Variants in CARD8 observed in about 807,000 individuals in gnomAD.
CARD8 encodes caspase recruitment domain family member 8, also known as caspase recruitment domain-containing protein 8.
CARD8 carries 38 observed loss-of-function variants against 53.2 expected under a neutral mutation model. The ratio of observed to expected loss-of-function variants is 0.71; its 90% CI spans 0.55 to 0.94. The LOEUF is 0.94. CARD8 is among the 40% of genes least tolerant of loss of function. The pLI is 0.00. For missense variants in CARD8, 561 were observed against 655.5 expected, an observed-to-expected ratio of 0.86 and a Z score of 1.57; for synonymous variants, 245 against 244.9, an observed-to-expected ratio of 1.00 and a Z score of 0.00.
chr19:48,228,828 G>A (rs1188608857), intron 10 of CARD8, among the ~76,000 whole-genome samples: 1 of 152,160 alleles, frequency 6.6e-6, no homozygotes, highest in African/African-American at 2.4e-5. Flanking sequence ...CTCATGTTAA[G>A]TAGTGTCCTT....
intron 1 of CARD8, among the ~76,000 whole-genome samples, chr19:48,254,054 G>A (rs1395026013): frequency 6.6e-6 from 1 of 152,104 alleles, no homozygotes; most frequent in Non-Finnish European, 1.5e-5. Context: ...TCAACAAAGT[G>A]GAAGAGTTTA....
chr19:48,218,755 AG>A, intron 12 of CARD8, 115 bp downstream of exon 12: 1 of 1,150,506 alleles, frequency 8.7e-7, no homozygotes, highest in Admixed American at 2.1e-5. Flanking sequence ...CACTGACAAT[AG>A]ATTTCTTTTC....
At chr19:48,220,900 G>A (rs1331412298) in intron 11 of CARD8, among the ~76,000 whole-genome samples, 1 of 148,882 alleles carries the variant, frequency 6.7e-6, no homozygotes, top group Non-Finnish European at 1.5e-5. Context: ...AACAGAGCGA[G>A]ACTCCATCAA....
chr19:48,250,138 A>G (rs1358531844), intron 1 of CARD8, among the ~76,000 whole-genome samples: 1 of 152,260 alleles, frequency 6.6e-6, no homozygotes, highest in Non-Finnish European at 1.5e-5. Flanking sequence ...TAACAAACAT[A>G]TGAAAGCTTC....
chr19:48,244,850 G>C (rs560794681), intron 3 of CARD8, among the ~76,000 whole-genome samples: 2 of 152,042 alleles, frequency 1.3e-5, no homozygotes, highest in Admixed American at 1.3e-4. Flanking sequence ...AAAGGAAAAT[G>C]ATGGACCCAA....
chr19:48,218,704 C>CT (rs2039883266), intron 12 of CARD8, among the ~76,000 whole-genome samples, 167 bp downstream of exon 12: 1 of 151,984 alleles, frequency 6.6e-6, no homozygotes, highest in South Asian at 2.1e-4. Flanking sequence ...CCAAAAGGCC[C>CT]CAGTGTGTGT....
At position 48,231,813 on chromosome 19, in the gene CARD8, GA is replaced by G; in HGVS notation, c.392-4del. 6.2e-7 allele frequency: 1 copy of G among 1,613,502 alleles called. No individual in the cohort carries two copies. Among genetic ancestry groups the G allele is most frequent in the Non-Finnish European group, 8.5e-7 (1 of 1,179,662 alleles). On this transcript the variant is annotated splice_region_variant and splice_polypyrimidine_tract_variant and intron_variant, in intron 7 of 13. Coordinates refer to ENST00000651546, the MANE Select transcript of CARD8 (RefSeq NM_001184900.3). ...ATTCTCTTCTGAGCAAATGTCTCCT[GA>G]AAAGAAAATACTAGACATGTAAGAG...
At chr19:48,235,285 T>C (rs781720348) in intron 5 of CARD8, among the ~76,000 whole-genome samples, 2 of 152,158 alleles carry the variant, frequency 1.3e-5, no homozygotes, top group Non-Finnish European at 2.9e-5. Flanking sequence ...TATGCCAAGA[T>C]ATTCAATGGC....
chr19:48,214,093 C>T (rs1239443192), intron 13 of CARD8, among the ~76,000 whole-genome samples: 1 of 152,214 alleles, frequency 6.6e-6, no homozygotes, highest in Admixed American at 6.5e-5. Context: ...TTTGTGTCTA[C>T]ATGATGTCCT....
downstream of CARD8, among the ~76,000 whole-genome samples, chr19:48,207,742 T>TTTTTTGTTTTTTTTTTTTTTTTTTTTC (rs1555790195): frequency 7.6e-6 from 1 of 132,442 alleles, no homozygotes; most frequent in Non-Finnish European, 1.6e-5. Flanking sequence ...CTGTTTTTTT[T>TTTTTTGTTTTTTTTTTTTTTTTTTTTC]TTTTTTTTTT....
intron 6 of CARD8, chr19:48,233,286 C>A: frequency 2.2e-6 from 1 of 455,566 alleles, no homozygotes; most frequent in Non-Finnish European, 4.4e-6. Context: ...TGGAGCAAGG[C>A]AACCAACTCC....
intron 10 of CARD8, among the ~76,000 whole-genome samples, chr19:48,225,610 T>C (rs116271719): frequency 0.041 from 6,167 of 152,178 alleles, 392 homozygotes; most frequent in African/African-American, 0.13. Flanking sequence ...GGAGCCAGTC[T>C]TGCAAGGGAA....
chr19:48,231,120 G>T (rs879753793), intron 8 of CARD8, 114 bp from the exon 9 acceptor site: 1 of 776,936 alleles, frequency 1.3e-6, no homozygotes, highest in South Asian at 1.6e-5. Context: ...ACCCATCTGC[G>T]ACTTTCACTA....
chr19:48,221,811 C>T lies in CARD8; in HGVS notation c.1080G>A (p.Gln360=). ...TCAGGGGTTCCATTGGGGGCGAAGT[C>T]TGCAGGCGCACACCATGGAAGCGAT... ...EEDRFHGVRL[Q]TSPPMEPLNF... is the part of the protein sequence containing the mutation. The change falls in exon 11 of 14, where the codon CAG becomes CAA. Residue 360 remains glutamine, a synonymous_variant. Coordinates refer to ENST00000651546, the MANE Select transcript of CARD8 (RefSeq NM_001184900.3). 1 of 1,610,770 alleles carries T rather than the reference C, an allele frequency of 6.2e-7. No homozygotes were observed. Among genetic ancestry groups the T allele is most frequent in the Non-Finnish European group, 8.5e-7 (1 of 1,177,588 alleles).
Position 48,241,008 on chromosome 19 carries a change from C to T in CARD8, c.13G>A (p.Glu5Lys). 1 of 1,536,018 alleles carries T rather than the reference C, an allele frequency of 6.5e-7. No individual in the cohort carries two copies. The highest frequency in any genetic ancestry group is 1.2e-5 in the South Asian group (1 of 84,062). Residue 5 changes from glutamate to lysine, a missense_variant, in exon 4 of 14, where the codon GAG (glutamate) becomes AAG (lysine). Physicochemically the swap from Glu to Lys is moderately conservative, Grantham distance 56. Transcript: ENST00000651546. ...CTGCTGCTACTCTTTTCTGGACACT[C>T]CTTTTTTTCCATTTGTCAAATGTGG... MEKKECPEKSSSSEE... is the reference protein window; with the variant it reads MEKKKCPEKSSSSEE...
At chr19:48,246,783 C>A (rs1038769119) in intron 3 of CARD8, among the ~76,000 whole-genome samples, 5 of 152,152 alleles carry the variant, frequency 3.3e-5, no homozygotes, top group African/African-American at 1.2e-4. Flanking sequence ...ATTTGGAAAT[C>A]ATGCGAAAGT....
chr19:48,250,060 G>A (rs551306187), intron 1 of CARD8, among the ~76,000 whole-genome samples: 29 of 152,178 alleles, frequency 1.9e-4, no homozygotes, highest in African/African-American at 7.0e-4. Flanking sequence ...ACCAATGTTT[G>A]TGTTGTTAAT....
At chr19:48,254,747 C>A (rs2047371876) in intron 1 of CARD8, among the ~76,000 whole-genome samples, 1 of 152,066 alleles carries the variant, frequency 6.6e-6, no homozygotes, top group Non-Finnish European at 1.5e-5. Flanking sequence ...TTAAGATAAC[C>A]CTGACAAATA....
chr19:48,236,729 T>C (rs1002056697), intron 5 of CARD8, among the ~76,000 whole-genome samples: 2 of 152,242 alleles, frequency 1.3e-5, no homozygotes, highest in Admixed American at 1.3e-4. Flanking sequence ...TCAACATCAG[T>C]TTCCTGGTAT....
Sources: allele counts gnomAD v4.1 joint callset (sites outside exome capture counted in the v4.1 genomes callset), GRCh38; gene constraint gnomAD v4.1.1; transcripts MANE v1.5; gene names NCBI Gene and HGNC (gene_info 2026-07-23, HGNC 2026-07-21).